The following ACOXL variants were observed in gnomAD, a reference collection of about 807,000 sequenced individuals.
ACOXL encodes acyl-coenzyme A oxidase-like protein.
ACOXL carries 70 observed loss-of-function variants against 71.9 expected under a neutral mutation model. The observed-to-expected ratio is 0.97, with a 90% confidence interval of 0.80 to 1.19. ACOXL has a LOEUF of 1.19. Ranked by LOEUF, ACOXL falls within the 50% of genes most tolerant of loss-of-function variation. The pLI is 0.00. For missense variants in ACOXL, 703 were observed against 736.3 expected (o/e 0.95, Z 0.52); for synonymous variants, 253 against 281.6 (o/e 0.90, Z 1.02).
At chr2:111,096,992 T>G (rs1157374834) in intron 17 of ACOXL, among the ~76,000 whole-genome samples, 2 of 152,150 alleles carry the variant, frequency 1.3e-5, no homozygotes, top group African/African-American at 4.8e-5. Flanking sequence ...CTGACCCTGA[T>G]TTTTTACTAT....
intron 2 of ACOXL, among the ~76,000 whole-genome samples, chr2:110,776,643 TCAC>T (rs1262644717): frequency 1.3e-5 from 2 of 151,910 alleles, no homozygotes; most frequent in African/African-American, 4.8e-5. Flanking sequence ...GGAATGTCAG[TCAC>T]CATGTGGTGT....
At chr2:110,771,699 G>C (rs143709287) in intron 2 of ACOXL, among the ~76,000 whole-genome samples, 8 of 152,360 alleles carry the variant, frequency 5.3e-5, no homozygotes, top group Middle Eastern at 3.4e-3. Context: ...CACACACACA[G>C]TGTGAACACC....
At chr2:110,796,677 AT>A (rs1401788873) in intron 5 of ACOXL, among the ~76,000 whole-genome samples, 1 of 151,996 alleles carries the variant, frequency 6.6e-6, no homozygotes, top group East Asian at 1.9e-4. Context: ...TGTTGCTGTT[AT>A]TTTTCTCTGC....
chr2:110,892,132 G>C (rs1050267732), intron 10 of ACOXL, among the ~76,000 whole-genome samples: 41 of 152,134 alleles, frequency 2.7e-4, no homozygotes, highest in African/African-American at 9.6e-4. Context: ...CAAGAGTCAG[G>C]TTATTTTCTT....
At chr2:110,763,915 T>C (rs374577869) in intron 1 of ACOXL, among the ~76,000 whole-genome samples, 4 of 152,110 alleles carry the variant, frequency 2.6e-5, no homozygotes, top group Admixed American at 2.6e-4. Flanking sequence ...AAAGAAGATA[T>C]ATAGCAGGCA....
intron 1 of ACOXL, among the ~76,000 whole-genome samples, chr2:110,757,617 A>G (rs900508325): frequency 6.6e-5 from 10 of 151,976 alleles, no homozygotes; most frequent in Admixed American, 2.6e-4. Context: ...CTGGTATCTC[A>G]TGGTTTTGAC....
intron 10 of ACOXL, among the ~76,000 whole-genome samples, chr2:110,905,155 GA>G (rs1314961469): frequency 6.6e-6 from 1 of 152,134 alleles, no homozygotes. Context: ...GCATTCCAGG[GA>G]AAAGCAACTT....
chr2:110,923,591 C>T (rs1246272155), intron 11 of ACOXL, among the ~76,000 whole-genome samples: 1 of 152,162 alleles, frequency 6.6e-6, no homozygotes, highest in Non-Finnish European at 1.5e-5. Context: ...CACTTACCAT[C>T]CTAATGAGCA....
intron 16 of ACOXL, among the ~76,000 whole-genome samples, chr2:111,063,277 G>C (rs906459643): frequency 7.2e-5 from 11 of 151,998 alleles, no homozygotes; most frequent in Admixed American, 4.6e-4. Context: ...TTCATTTTTT[G>C]AAGTTAGTAT....
intron 1 of ACOXL, among the ~76,000 whole-genome samples, chr2:110,747,556 C>T (rs1039747362): frequency 4.6e-5 from 7 of 152,310 alleles, no homozygotes; most frequent in Middle Eastern, 6.8e-3. Context: ...TAACCGTCCT[C>T]GTTTCAAGCA....
intron 12 of ACOXL, among the ~76,000 whole-genome samples, chr2:110,942,886 A>G: frequency 6.6e-6 from 1 of 151,150 alleles, no homozygotes; most frequent in East Asian, 1.9e-4. Flanking sequence ...CCTGAAAAAA[A>G]AAGGAAGGCA....
chr2:111,031,587 A>G (rs747418567), intron 14 of ACOXL, 40 bp from the exon 15 acceptor site: 5 of 1,576,852 alleles, frequency 3.2e-6, no homozygotes, highest in Middle Eastern at 1.7e-4. Flanking sequence ...ACTCTCTCAC[A>G]ATATCCTCAA....
rs749199033 is a variant in ACOXL at position 111,078,142 on chromosome 2, A to G, written c.1441-14723A>G. ...CAGATAGGATAATTTCTATTATTCT[A>G]TCTTCTAGTTTACTCAGTCTTTCCT... On this transcript the variant is annotated intron_variant, in intron 16 of 17. Transcript: ENST00000439055. Among the ~76,000 whole-genome samples, 42 of 145,634 alleles carry G rather than the reference A, an allele frequency of 2.9e-4. 1 individual carries two copies. The highest frequency in any genetic ancestry group is 1.5e-4 in the Non-Finnish European group (10 of 65,210).
chr2:110,842,663 C>T (rs955116620), intron 10 of ACOXL, among the ~76,000 whole-genome samples: 1 of 152,048 alleles, frequency 6.6e-6, no homozygotes, highest in Non-Finnish European at 1.5e-5. Context: ...CAAACTTAGC[C>T]TGTTTGTTCA....
intron 9 of ACOXL, among the ~76,000 whole-genome samples, chr2:110,814,086 A>AT (rs1364951102): frequency 6.6e-6 from 1 of 152,156 alleles, no homozygotes; most frequent in Non-Finnish European, 1.5e-5. Context: ...GCATGGTTGG[A>AT]TTTGCCTTGG....
chr2:110,776,770 G>C (rs893271124), intron 2 of ACOXL, among the ~76,000 whole-genome samples: 5 of 152,028 alleles, frequency 3.3e-5, no homozygotes, highest in African/African-American at 1.2e-4. Flanking sequence ...TAAAATGGGA[G>C]GACTTGGAGG....
At chr2:111,081,774 A>C (rs2067937437) in intron 16 of ACOXL, among the ~76,000 whole-genome samples, 1 of 152,204 alleles carries the variant, frequency 6.6e-6, no homozygotes, top group African/African-American at 2.4e-5. Flanking sequence ...TTCAAACTAT[A>C]CTACAAGGCT....
chr2:110,807,747 C>T (rs1686844403), intron 9 of ACOXL, among the ~76,000 whole-genome samples: 1 of 152,216 alleles, frequency 6.6e-6, no homozygotes, highest in South Asian at 2.1e-4. Flanking sequence ...CTCTTGGCAG[C>T]TCTTCCTCTC....
intron 17 of ACOXL, among the ~76,000 whole-genome samples, chr2:111,113,843 C>T (rs2070156282): frequency 6.6e-6 from 1 of 152,186 alleles, no homozygotes; most frequent in Admixed American, 6.5e-5. Context: ...GTTCCCCTTC[C>T]TGTAAAGTTT....
Sources: gnomAD v4.1 joint callset for allele counts (sites outside exome capture counted in the v4.1 genomes callset) on GRCh38, gnomAD v4.1.1 for gene constraint, MANE v1.5 for transcripts, NCBI Gene and HGNC (gene_info 2026-07-23, HGNC 2026-07-21) for gene names.